The following WFDC10B variants were observed in gnomAD, a reference collection of about 807,000 sequenced individuals.
WFDC10B encodes the protein WAP four-disulfide core domain 10B.
A neutral mutation model predicts 2.7 loss-of-function variants in WFDC10B; 1 was observed. The ratio of observed to expected loss-of-function variants is 0.38; its 90% CI spans 0.13 to 1.79. The LOEUF (loss-of-function observed/expected upper bound fraction) is 1.79. WFDC10B is among the 40% of genes most tolerant of loss of function. The pLI, the probability that WFDC10B is intolerant of heterozygous loss-of-function variation, is 0.33. For synonymous variants in WFDC10B, 26 were observed against 32.2 expected (o/e 0.81, Z 0.65); for missense variants, 71 against 87.8 (o/e 0.81, Z 0.76).
At chr20:45,701,311 G>A (rs2145643033) in intron 2 of WFDC10B, among the ~76,000 whole-genome samples, 1 of 152,288 alleles carries the variant, frequency 6.6e-6, no homozygotes, top group East Asian at 1.9e-4. Context: ...ACGAAATAGG[G>A]AAGTGAAGAG....
chr20:45,696,442 A>G (rs1358287232), intron 2 of WFDC10B, among the ~76,000 whole-genome samples: 3 of 152,088 alleles, frequency 2.0e-5, no homozygotes, highest in Non-Finnish European at 4.4e-5. Flanking sequence ...GAAAACCAAT[A>G]AAAAGAATCA....
chr20:45,690,550 CT>C (rs1475218136), intron 2 of WFDC10B, among the ~76,000 whole-genome samples: 1 of 151,692 alleles, frequency 6.6e-6, no homozygotes, highest in East Asian at 1.9e-4. Flanking sequence ...GATTCAACTT[CT>C]TCCTGGTTTA....
At chr20:45,692,996 T>C (rs1455161226) in intron 2 of WFDC10B, among the ~76,000 whole-genome samples, 2 of 152,202 alleles carry the variant, frequency 1.3e-5, no homozygotes, top group Non-Finnish European at 2.9e-5. Context: ...AATGTAGAGA[T>C]GGGTTTTTGG....
Position 45,693,561 on chromosome 20 carries a change from G to A in WFDC10B, c.-64-7505C>T, listed in dbSNP as rs191131632. ...GCGCCCCTCCCCCAGCCTTGCTGCCGCCTTGCTGTTTGATCTCCGACTGCT... is the reference window on the plus strand; with the variant it reads ...GCGCCCCTCCCCCAGCCTTGCTGCCACCTTGCTGTTTGATCTCCGACTGCT... On this transcript the variant is annotated intron_variant, in intron 2 of 3. Coordinates refer to ENST00000330523, the MANE Select transcript of WFDC10B (RefSeq NM_172006.2). Among the ~76,000 whole-genome samples the A allele has an allele frequency of 1.3e-3, 201 of 152,230 alleles. 1 individual carries two copies. Among genetic ancestry groups the A allele is most frequent in the Non-Finnish European group, 2.0e-3 (138 of 68,008 alleles).
Position 45,697,411 on chromosome 20 carries a change from G to A in WFDC10B, c.-65+7086C>T, listed in dbSNP as rs1016220415. Among the ~76,000 whole-genome samples the A allele has an allele frequency of 4.1e-5, 5 of 121,120 alleles. No homozygotes were observed. In the East Asian group the frequency reaches 1.1e-3, roughly 27 times the overall value. The allele number at this position is 121,120 out of a possible 152,430, so 79.5% of individuals were successfully genotyped here. ...TTTTTTTTTTTTTTTTTGAGACAGCGTCTGGCTCTGTCACCCAGGCTGGAG... is the reference window on the plus strand; with the variant it reads ...TTTTTTTTTTTTTTTTTGAGACAGCATCTGGCTCTGTCACCCAGGCTGGAG... On this transcript the variant is annotated intron_variant, in intron 2 of 3. Transcript: ENST00000330523.
intron 2 of WFDC10B, among the ~76,000 whole-genome samples, chr20:45,701,764 C>CAAA (rs11480724): frequency 3.4e-5 from 3 of 89,164 alleles, no homozygotes; most frequent in Non-Finnish European, 4.6e-5. Flanking sequence ...TCCATCATCT[C>CAAA]AAAAAAAAAA....
intron 2 of WFDC10B, among the ~76,000 whole-genome samples, chr20:45,686,993 C>A (rs1600952308): frequency 6.6e-6 from 1 of 152,136 alleles, no homozygotes; most frequent in African/African-American, 2.4e-5. Flanking sequence ...ATTCATTACA[C>A]AAAACTCTAT....
chr20:45,698,185 G>C (rs1206688014), intron 2 of WFDC10B, among the ~76,000 whole-genome samples: 1 of 152,196 alleles, frequency 6.6e-6, no homozygotes, highest in Non-Finnish European at 1.5e-5. Flanking sequence ...CTTGTTGGCT[G>C]TGTGACCCAG....
Position 45,704,947 on chromosome 20 carries a change from A to T in WFDC10B, c.-159T>A. ...AGGTGTAACCAAAATCCCAAAGCAA[A>T]ATTTGTCCTACACTTTTGCTTGCCC... On this transcript the variant is annotated 5_prime_UTR_variant, in exon 1 of 4. Coordinates refer to ENST00000330523, the MANE Select transcript of WFDC10B (RefSeq NM_172006.2). 2.5e-6 allele frequency: 4 copies of T among 1,613,848 alleles called. No individual in the cohort carries two copies. The highest frequency in any genetic ancestry group is 3.4e-6 in the Non-Finnish European group (4 of 1,179,946).
intron 2 of WFDC10B, among the ~76,000 whole-genome samples, chr20:45,691,164 G>C (rs368542985): frequency 6.6e-6 from 1 of 152,028 alleles, no homozygotes; most frequent in African/African-American, 2.4e-5. Context: ...GTTTCTTAAT[G>C]CTGAGTTCTA....
At chr20:45,702,895 T>A (rs1984224732) in intron 2 of WFDC10B, among the ~76,000 whole-genome samples, 1 of 152,304 alleles carries the variant, frequency 6.6e-6, no homozygotes, top group Middle Eastern at 3.4e-3. Flanking sequence ...GGGGAAAACA[T>A]CTTCAGAATA....
intron 2 of WFDC10B, among the ~76,000 whole-genome samples, chr20:45,695,211 G>A (rs1983941281): frequency 6.6e-6 from 1 of 152,178 alleles, no homozygotes; most frequent in Non-Finnish European, 1.5e-5. Context: ...GTTGGGAGTA[G>A]TCTTGTGAAA....
intron 3 of WFDC10B, 39 bp from the exon 4 acceptor site, chr20:45,684,999 C>T: frequency 6.2e-7 from 1 of 1,611,340 alleles, no homozygotes. Context: ...AAACCATGCA[C>T]CTATAGAGCA....
At position 45,684,803 on chromosome 20, in the gene WFDC10B, G is replaced by A. The variant is rs146469343; in HGVS notation, c.*27C>T. On this transcript the variant is annotated 3_prime_UTR_variant, in exon 4 of 4. Coordinates refer to ENST00000330523, the MANE Select transcript of WFDC10B (RefSeq NM_172006.2). ...TCGGATGGAAGGGTTCAGGGAGCAG[G>A]ATGCACATCCCAGCCCACTCTCCCA... The A allele has an allele frequency of 6.2e-7, 1 of 1,611,544 alleles. No individual in the cohort carries two copies. Among genetic ancestry groups the A allele is most frequent in the Non-Finnish European group, 8.5e-7 (1 of 1,178,434 alleles).
intron 2 of WFDC10B, among the ~76,000 whole-genome samples, chr20:45,702,596 CAG>C (rs999810138): frequency 1.3e-5 from 2 of 152,178 alleles, no homozygotes; most frequent in South Asian, 2.1e-4. Context: ...AGCAATAAAA[CAG>C]AGAGACAACG....
chr20:45,685,537 C>T (rs1983581127), intron 3 of WFDC10B, among the ~76,000 whole-genome samples: 1 of 152,142 alleles, frequency 6.6e-6, no homozygotes, highest in Non-Finnish European at 1.5e-5. Context: ...CTACACCTAC[C>T]CTCATAACCA....
intron 2 of WFDC10B, among the ~76,000 whole-genome samples, chr20:45,703,195 A>G (rs994360488): frequency 1.3e-5 from 2 of 152,208 alleles, no homozygotes; most frequent in Non-Finnish European, 2.9e-5. Flanking sequence ...TCTCTGGATC[A>G]TGGTGTCTAT....
intron 2 of WFDC10B, among the ~76,000 whole-genome samples, chr20:45,695,342 G>A (rs552189031): frequency 1.2e-3 from 181 of 152,250 alleles, no homozygotes; most frequent in South Asian, 7.9e-3. Flanking sequence ...GTGTTGGAAA[G>A]CATTCCAGGC....
intron 2 of WFDC10B, among the ~76,000 whole-genome samples, chr20:45,697,410 C>T (rs963501196): frequency 2.4e-5 from 3 of 123,180 alleles, no homozygotes; most frequent in Admixed American, 9.6e-5. Flanking sequence ...TTTGAGACAG[C>T]GTCTGGCTCT....
Sources: allele counts gnomAD v4.1 joint callset (sites outside exome capture counted in the v4.1 genomes callset), GRCh38; gene constraint gnomAD v4.1.1; transcripts MANE v1.5; gene names NCBI Gene and HGNC (gene_info 2026-07-23, HGNC 2026-07-21).